Variants in MYO5A observed in about 807,000 individuals in gnomAD.
MYO5A encodes unconventional myosin-Va.
Under a neutral mutation model 249.7 loss-of-function variants are expected in MYO5A, and 98 were observed. The ratio of observed to expected loss-of-function variants is 0.39; its 90% CI spans 0.33 to 0.46. The LOEUF (loss-of-function observed/expected upper bound fraction) is 0.46. MYO5A is among the 20% of genes least tolerant of loss of function. The pLI, the probability that MYO5A is intolerant of heterozygous loss-of-function variation, is 0.98. For missense variants in MYO5A, 1,696 were observed against 2,308.8 expected (o/e 0.73, Z 5.44); for synonymous variants, 778 against 810.6 (o/e 0.96, Z 0.68).
At chr15:52,460,202 A>T (rs2076217639) in intron 1 of MYO5A, among the ~76,000 whole-genome samples, 1 of 147,708 alleles carries the variant, frequency 6.8e-6, no homozygotes, top group South Asian at 2.2e-4. Flanking sequence ...ATCCCAGACG[A>T]TGGGCGGCCA....
At chr15:52,430,483 A>G (rs2075503547) in intron 2 of MYO5A, among the ~76,000 whole-genome samples, 1 of 152,232 alleles carries the variant, frequency 6.6e-6, no homozygotes, top group South Asian at 2.1e-4. Flanking sequence ...ATCACTGGAC[A>G]TCATTAAATA....
At chr15:52,408,650 TA>T (rs2043115555) in intron 6 of MYO5A, among the ~76,000 whole-genome samples, 1 of 152,208 alleles carries the variant, frequency 6.6e-6, no homozygotes, top group South Asian at 2.1e-4. Context: ...AACTGTTTTA[TA>T]AAATAGAAAA....
intron 14 of MYO5A, among the ~76,000 whole-genome samples, chr15:52,385,699 T>C (rs952526416): frequency 6.6e-6 from 1 of 152,040 alleles, no homozygotes; most frequent in Non-Finnish European, 1.5e-5. Context: ...TCAAAACACA[T>C]AACACAGATA....
intron 23 of MYO5A, 108 bp from the exon 24 acceptor site, chr15:52,364,810 T>G: frequency 7.8e-7 from 1 of 1,288,430 alleles, no homozygotes; most frequent in Non-Finnish European, 1.1e-6. Flanking sequence ...TTACTTTTAG[T>G]ATCACTGTGA....
At chr15:52,393,405 T>C (rs1040281078) in intron 11 of MYO5A, among the ~76,000 whole-genome samples, 6 of 151,904 alleles carry the variant, frequency 3.9e-5, no homozygotes, top group African/African-American at 7.3e-5. Flanking sequence ...CTTTTCTTTT[T>C]TTTTTTGAGA....
At chr15:52,335,516 CAAA>C (rs397854139) in intron 34 of MYO5A, among the ~76,000 whole-genome samples, 215 of 64,054 alleles carry the variant, frequency 3.4e-3, no homozygotes, top group African/African-American at 1.0e-2. Context: ...ACTCTGTCTC[CAAA>C]AAAAAAAAAA....
chr15:52,442,263 C>T (rs945953122), intron 1 of MYO5A, among the ~76,000 whole-genome samples: 8 of 152,096 alleles, frequency 5.3e-5, no homozygotes, highest in African/African-American at 1.9e-4. Context: ...ACCACCTCCA[C>T]CAGCCATCTC....
At chr15:52,330,252 A>T in intron 35 of MYO5A, 101 bp downstream of exon 35, 1 of 1,459,634 alleles carries the variant, frequency 6.9e-7, no homozygotes, top group Non-Finnish European at 9.6e-7. Flanking sequence ...GATGATGACT[A>T]ATGAAACCTA....
intron 15 of MYO5A, 122 bp from the exon 16 acceptor site, chr15:52,383,310 A>C: frequency 2.5e-6 from 2 of 804,196 alleles, no homozygotes; most frequent in South Asian, 1.4e-5. Flanking sequence ...TATAAACTTG[A>C]CCCATCTTCA....
chr15:52,372,087 G>A (rs2041153695), intron 21 of MYO5A, 37 bp downstream of exon 21: 1 of 1,612,380 alleles, frequency 6.2e-7, no homozygotes, highest in Non-Finnish European at 8.5e-7. Context: ...ATTTCTTCAG[G>A]CATACTCCAC....
chr15:52,354,481 A>G (rs1324141879), intron 25 of MYO5A, among the ~76,000 whole-genome samples: 1 of 152,372 alleles, frequency 6.6e-6, no homozygotes, highest in Admixed American at 6.5e-5. Flanking sequence ...AACTGACAAT[A>G]ATCTGAATGT....
intron 1 of MYO5A, among the ~76,000 whole-genome samples, chr15:52,514,218 A>G (rs1164571062): frequency 6.6e-6 from 1 of 152,238 alleles, no homozygotes; most frequent in Non-Finnish European, 1.5e-5. Context: ...TGGTCTAGAT[A>G]CTGAGTCAAA....
intron 1 of MYO5A, among the ~76,000 whole-genome samples, chr15:52,473,089 C>G (rs915828869): frequency 1.3e-5 from 2 of 152,204 alleles, no homozygotes; most frequent in Non-Finnish European, 2.9e-5. Context: ...GCCATTCTAA[C>G]TGGTGTGAGA....
At chr15:52,340,416 C>T (rs181073992) in intron 31 of MYO5A, 22 bp from the exon 32 acceptor site, 84 of 1,607,590 alleles carry the variant, frequency 5.2e-5, no homozygotes, top group Admixed American at 2.8e-4. Context: ...ACACATGGGT[C>T]GGAAGGGGAG....
At chr15:52,383,229 C>G (rs1360333103) in intron 15 of MYO5A, 41 bp from the exon 16 acceptor site, 12 of 1,478,596 alleles carry the variant, frequency 8.1e-6, no homozygotes. Context: ...AGGCTTTGTC[C>G]AAAGTCAAAG....
Position 52,308,767 on chromosome 15 carries a change from T to C in MYO5A, c.*4929A>G, listed in dbSNP as rs2037689759. 6.5e-6 allele frequency: 1 copy of C among 152,740 alleles called. No homozygotes were observed. Among genetic ancestry groups the C allele is most frequent in the Non-Finnish European group, 1.5e-5 (1 of 68,114 alleles). The allele number at this position is 152,740 out of a possible 1,614,324, so 9.5% of individuals were successfully genotyped here. A position where few individuals can be genotyped will look rare whatever the true frequency, so the allele number is the denominator to read the frequency against. ...TATCCCTTCCAGGCAAGATATCCTT[T>C]ACAGAAGAAAAGTTCTGGAGAACTT... On this transcript the variant is annotated 3_prime_UTR_variant, in exon 42 of 42. Coordinates refer to ENST00000399233, the MANE Select transcript of MYO5A (RefSeq NM_001382347.1).
In MYO5A at chr15:52,353,626, T is replaced by G. The variant is rs781543938; in HGVS notation, c.3600A>C (p.Glu1200Asp). ...TTACCTTGAGTGACTCATATTCCAG[T>G]TCTGCACCTCTAATTTGTGGTCTTT... is the stretch of plus-strand genomic sequence containing the variant. ...EEERPQIRGA[E>D]LEYESLKRQE... The change falls in exon 27 of 42, where the codon GAA becomes GAC. Residue 1200 changes from glutamate (E) to aspartate (D), a missense_variant. Physicochemically the swap from Glu to Asp is conservative, Grantham distance 45 (BLOSUM62 2). Transcript: ENST00000399233. 1 of 1,613,964 alleles carries G rather than the reference T, an allele frequency of 6.2e-7. No individual in the cohort carries two copies. Among genetic ancestry groups the G allele is most frequent in the South Asian group, 1.1e-5 (1 of 91,086 alleles).
chr15:52,444,633 C>T (rs1424193394), intron 1 of MYO5A, among the ~76,000 whole-genome samples: 1 of 152,178 alleles, frequency 6.6e-6, no homozygotes, highest in East Asian at 1.9e-4. Context: ...GAATCACTTT[C>T]TCCTGATTGG....
In MYO5A at chr15:52,376,432, C is replaced by A. The variant is rs754785789; in HGVS notation, c.2335G>T (p.Gly779Trp). ...ACIRIQKTIR[G>W]WLLRKKYLRM... is the part of the protein sequence containing the mutation. The stretch of plus-strand genomic sequence containing the variant: ...AGGTACTTCTTTCTCAGCAGCCACC[C>A]TCGGATGGTCTTCTGGATCCGGATG... Residue 779 changes from glycine (G) to tryptophan (W), a missense_variant, in exon 19 of 42, where the codon GGG becomes TGG. Around this residue, in one of 5 missense-constraint regions of MYO5A, gnomAD observed 277 missense variants for 422.4 expected, o/e 0.66. Coordinates refer to ENST00000399233, the MANE Select transcript of MYO5A (RefSeq NM_001382347.1). The A allele has an allele frequency of 1.5e-5, 25 of 1,614,016 alleles. No homozygotes were observed. Among genetic ancestry groups the A allele is most frequent in the Non-Finnish European group, 2.0e-5 (24 of 1,180,030 alleles).
Sources: gnomAD v4.1 joint callset for allele counts (sites outside exome capture counted in the v4.1 genomes callset) on GRCh38, gnomAD v4.1.1 for gene constraint, gnomAD v4.1.1 regional missense constraint, MANE v1.5 for transcripts, NCBI Gene and HGNC (gene_info 2026-07-23, HGNC 2026-07-21) for gene names.